WNK2: variants seen among roughly 807,000 people sequenced by gnomAD.
The protein encoded by WNK2 is serine/threonine-protein kinase WNK2.
WNK2 carries 67 observed loss-of-function variants against 192.1 expected under a neutral mutation model. The observed-to-expected ratio is 0.35, with a 90% confidence interval of 0.29 to 0.43. The LOEUF (loss-of-function observed/expected upper bound fraction) is 0.43. Ranked by LOEUF, WNK2 falls within the 20% of genes least tolerant of loss-of-function variation. The pLI is 1.00. For missense variants in WNK2, 2,698 were observed against 3,089.7 expected, an observed-to-expected ratio of 0.87 and a Z score of 3.01; for synonymous variants, 1,439 against 1,393.9, an observed-to-expected ratio of 1.03 and a Z score of -0.72.
At chr9:93,198,644 A>C (rs955974969) in intron 2 of WNK2, among the ~76,000 whole-genome samples, 3 of 152,196 alleles carry the variant, frequency 2.0e-5, no homozygotes, top group Non-Finnish European at 2.9e-5. Context: ...CACAGCCTCC[A>C]TCCTCTGATG....
intron 19 of WNK2, among the ~76,000 whole-genome samples, chr9:93,282,310 G>A (rs964758572): frequency 6.6e-6 from 1 of 152,090 alleles, no homozygotes; most frequent in Non-Finnish European, 1.5e-5. Flanking sequence ...GGGGCAGGTG[G>A]GGAAGGAATT....
intron 2 of WNK2, among the ~76,000 whole-genome samples, chr9:93,224,985 G>T (rs553479505): frequency 9.2e-5 from 14 of 152,280 alleles, no homozygotes; most frequent in Admixed American, 8.5e-4. Context: ...CTCCTGTAAT[G>T]CAGGCCAACC....
Position 93,247,883 on chromosome 9 carries a change from T to C in WNK2, c.1834+49T>C. 1 of 1,506,074 alleles carries C rather than the reference T, an allele frequency of 6.6e-7. No individual in the cohort carries two copies. Among genetic ancestry groups the C allele is most frequent in the Non-Finnish European group, 8.8e-7 (1 of 1,132,184 alleles). The allele number at this position is 1,506,074 out of a possible 1,614,324, so 93.3% of individuals were successfully genotyped here. ...CCATGGGCACCCCTCCCACCTACCC[T>C]GCAAAAACCAGCTATTGGGCAAAGA... On this transcript the variant is annotated intron_variant, in intron 8 of 29. Transcript: ENST00000427277. The surrounding 1 kb of genome is among the most constrained non-coding windows in gnomAD (Gnocchi z 5.2).
At chr9:93,284,352 G>A (rs1848150673) in intron 19 of WNK2, among the ~76,000 whole-genome samples, 1 of 152,184 alleles carries the variant, frequency 6.6e-6, no homozygotes, top group Admixed American at 6.5e-5. Context: ...AAAAGAGTAT[G>A]TATGACAAGT....
At chr9:93,253,141 C>T (rs907634831) in intron 9 of WNK2, 59 bp downstream of exon 9, 17 of 1,315,950 alleles carry the variant, frequency 1.3e-5, no homozygotes, top group East Asian at 1.2e-4. Flanking sequence ...TCTGAGGGCC[C>T]TGAGGGCTCT....
chr9:93,319,017 G>GC, intron 29 of WNK2: 1 of 1,531,554 alleles, frequency 6.5e-7, no homozygotes, highest in Non-Finnish European at 8.8e-7. Context: ...TTCTGCCAGG[G>GC]CACGATGCTG....
chr9:93,256,921 A>C, intron 10 of WNK2, 27 bp from the exon 11 acceptor site: 1 of 1,533,818 alleles, frequency 6.5e-7, no homozygotes, highest in Non-Finnish European at 8.7e-7. Flanking sequence ...TTGGTGGTCT[A>C]AGGGGAGCTA....
At position 93,229,838 on chromosome 9, in the gene WNK2, C is replaced by T. The variant is rs1457573950; in HGVS notation, c.824C>T (p.Thr275Met). 5 of 1,613,862 alleles carry T rather than the reference C, an allele frequency of 3.1e-6. No individual in the cohort carries two copies. Among genetic ancestry groups the T allele is most frequent in the East Asian group, 2.2e-5 (1 of 44,874 alleles). The change falls in exon 3 of 30, where the codon ACG (threonine) becomes ATG (methionine). Residue 275 changes from threonine to methionine, a missense_variant. Thr to Met is a moderately conservative substitution (Grantham distance 81). This residue lies in a region of WNK2 where 230 missense variants were observed against 501.1 expected (regional missense o/e 0.46). Coordinates refer to ENST00000427277, the MANE Select transcript of WNK2 (RefSeq NM_006648.4). The surrounding 1 kb of genome is among the most constrained non-coding windows in gnomAD (Gnocchi z 4.9). ...AKGKRCIVLV[T>M]ELMTSGTLKT... ...GGCAAGCGGTGCATTGTGCTGGTGA[C>T]GGAGCTGATGACCTCAGGGACGCTG...
In WNK2 at chr9:93,268,636, C is replaced by G. The variant is rs1221516581; in HGVS notation, c.3923C>G (p.Thr1308Ser). ...CTGTTCTGCCCTTCAGTCCTGCACA[C>G]CGGGAAGAGGTGGTTCATCATCTGT... is the stretch of plus-strand genomic sequence containing the variant. ...APVYQQNVLH[T>S]GKRWFIICPV... The change falls in exon 19 of 30, where the codon ACC becomes AGC. Residue 1308 changes from threonine (T) to serine (S), a missense_variant. Transcript: ENST00000427277. The G allele has an allele frequency of 6.2e-7, 1 of 1,612,572 alleles. No homozygotes were observed. Among genetic ancestry groups the G allele is most frequent in the Non-Finnish European group, 8.5e-7 (1 of 1,179,560 alleles).
rs1221844209 is a variant in WNK2 at position 93,262,699 on chromosome 9, C to T, written c.3390C>T (p.Gly1130=). Residue 1130 remains glycine, a synonymous_variant, in exon 14 of 30, where the codon GGC becomes GGT. Transcript: ENST00000427277. Reference sequence around the variant, plus strand: ...AGGCCTCACAGGACAAGCCGCCCGGCCTCCCGCAGAGCTGTGAGAGGTAGT... The same window carrying T: ...AGGCCTCACAGGACAAGCCGCCCGGTCTCCCGCAGAGCTGTGAGAGGTAGT... The part of the protein sequence containing the change: ...EEQASQDKPP[G]LPQSCESYGG... 4 of 1,612,310 alleles carry T rather than the reference C, an allele frequency of 2.5e-6. No individual in the cohort carries two copies. The highest frequency in any genetic ancestry group is 2.2e-5 in the East Asian group (1 of 44,900).
chr9:93,253,023 G>A lies in WNK2; in HGVS notation c.1975G>A (p.Gly659Arg). 6.5e-7 allele frequency: 1 copy of A among 1,547,134 alleles called. No homozygotes were observed. Among genetic ancestry groups the A allele is most frequent in the Non-Finnish European group, 8.7e-7 (1 of 1,148,152 alleles). ...QCVCSPPVSE[G>R]PVLPQSLPSL... ...TGTGTGCAGCCCCCCTGTGAGCGAG[G>A]GGCCCGTCCTGCCGCAGAGCCTGCC... Residue 659 changes from glycine to arginine, a missense_variant, in exon 9 of 30, where the codon GGG (glycine) becomes AGG (arginine). This residue lies in a region of WNK2 where 893 missense variants were observed against 909.0 expected (regional missense o/e 0.98). Coordinates refer to ENST00000427277, the MANE Select transcript of WNK2 (RefSeq NM_006648.4).
intron 2 of WNK2, among the ~76,000 whole-genome samples, chr9:93,208,141 C>T (rs1833730874): frequency 2.6e-5 from 4 of 152,266 alleles, no homozygotes; most frequent in South Asian, 2.1e-4. Flanking sequence ...TTCACTGTGG[C>T]GGAGCCTGGA....
At chr9:93,193,907 A>G (rs765730926) in intron 2 of WNK2, among the ~76,000 whole-genome samples, 2 of 152,240 alleles carry the variant, frequency 1.3e-5, no homozygotes, top group Non-Finnish European at 2.9e-5. Flanking sequence ...AAAAGAACAG[A>G]TGAGTTGATC....
At chr9:93,318,465 G>A (rs762368880) in intron 29 of WNK2, 23 of 1,614,038 alleles carry the variant, frequency 1.4e-5, no homozygotes, top group Non-Finnish European at 1.9e-5. Context: ...TTGCTCAGTA[G>A]GGAATGTCAG....
At chr9:93,307,898 T>C (rs116292052) in intron 27 of WNK2, 3,638 of 184,206 alleles carry the variant, frequency 0.02, 146 homozygotes, top group African/African-American at 0.081. Flanking sequence ...CGCGTCCTCA[T>C]GTTACGGCTG....
chr9:93,226,500 A>G (rs1837843086), intron 2 of WNK2, among the ~76,000 whole-genome samples: 1 of 151,908 alleles, frequency 6.6e-6, no homozygotes, highest in Non-Finnish European at 1.5e-5. Flanking sequence ...ATTTACATAT[A>G]ATGAAACACA....
intron 24 of WNK2, among the ~76,000 whole-genome samples, chr9:93,298,479 GTGA>G (rs1021600726): frequency 6.6e-6 from 1 of 152,200 alleles, no homozygotes; most frequent in African/African-American, 2.4e-5. Context: ...CGGGAGGACG[GTGA>G]TGATCTCCCA....
chr9:93,256,535 C>A, intron 10 of WNK2, 81 bp downstream of exon 10: 1 of 1,396,508 alleles, frequency 7.2e-7, no homozygotes, highest in Non-Finnish European at 9.4e-7. Context: ...GGTCTATGAG[C>A]ACCTCCCACA....
At chr9:93,217,029 G>A (rs957891815) in intron 2 of WNK2, among the ~76,000 whole-genome samples, 2 of 151,632 alleles carry the variant, frequency 1.3e-5, no homozygotes, top group African/African-American at 4.8e-5. Context: ...CGAGATCTCG[G>A]CTCACTGCAA....
Sources: gnomAD v4.1 joint callset for allele counts (sites outside exome capture counted in the v4.1 genomes callset) on GRCh38, gnomAD v4.1.1 for gene constraint, gnomAD v4.1.1 regional missense constraint, Gnocchi (gnomAD v3.1) non-coding constraint, MANE v1.5 for transcripts, NCBI Gene and HGNC (gene_info 2026-07-23, HGNC 2026-07-21) for gene names.